The following NCKAP5 variants were observed in gnomAD, a reference collection of about 807,000 sequenced individuals.
NCKAP5 encodes nck-associated protein 5.
NCKAP5 carries 92 observed loss-of-function variants against 167.0 expected under a neutral mutation model. The ratio of observed to expected loss-of-function variants is 0.55; its 90% CI spans 0.47 to 0.66. The LOEUF is 0.66. Ranked by LOEUF, NCKAP5 falls within the 30% of genes least tolerant of loss-of-function variation. NCKAP5 has a pLI of 0.00. For missense variants in NCKAP5, 2,378 were observed against 2,315.0 expected (o/e 1.03, Z -0.56); for synonymous variants, 891 against 877.4 (o/e 1.02, Z -0.27).
chr2:133,193,112 T>C (rs1322087781), intron 5 of NCKAP5, among the ~76,000 whole-genome samples: 1 of 152,104 alleles, frequency 6.6e-6, no homozygotes, highest in African/African-American at 2.4e-5. Context: ...TGAATGATTC[T>C]CCAAAGAATT....
intron 3 of NCKAP5, among the ~76,000 whole-genome samples, chr2:133,453,784 C>A (rs926916208): frequency 2.0e-5 from 3 of 151,988 alleles, no homozygotes; most frequent in Non-Finnish European, 2.9e-5. Flanking sequence ...TTTCTTTCAA[C>A]TTTTCTGGAT....
intron 19 of NCKAP5, among the ~76,000 whole-genome samples, chr2:132,700,922 C>T (rs1337235759): frequency 2.8e-5 from 2 of 72,048 alleles, no homozygotes; most frequent in African/African-American, 9.3e-5. Flanking sequence ...TGGTTACAAT[C>T]CCCTGGGCGG....
intron 11 of NCKAP5, among the ~76,000 whole-genome samples, chr2:132,820,772 G>A (rs1247039848): frequency 6.6e-6 from 1 of 152,070 alleles, no homozygotes; most frequent in Non-Finnish European, 1.5e-5. Context: ...TAGCTTTCAG[G>A]GACAGAAGAA....
chr2:133,632,263 T>C, the NCKAP5 span, among the ~76,000 whole-genome samples: 4,528 of 152,342 alleles, frequency 0.03, 243 homozygotes, highest in African/African-American at 0.1. Context: ...AACTACATTT[T>C]TGGGGACTCA....
Position 133,450,812 on chromosome 2 carries a change from C to T in NCKAP5, c.69+66646G>A, listed in dbSNP as rs190315813. Among the ~76,000 whole-genome samples the T allele has an allele frequency of 2.9e-3, 446 of 152,296 alleles. 2 individuals are homozygous for T. Among genetic ancestry groups the T allele is most frequent in the African/African-American group, 0.01 (433 of 41,566 alleles). On this transcript the variant is annotated intron_variant, in intron 3 of 19. Transcript: ENST00000409261. Reference sequence around the variant, plus strand: ...ACAATAATTCAACCAAGATCTAATTCACCACATGGTATTAGTATCCAGACT... The same window carrying T: ...ACAATAATTCAACCAAGATCTAATTTACCACATGGTATTAGTATCCAGACT...
chr2:133,600,153 G>T, the NCKAP5 span, among the ~76,000 whole-genome samples: 2 of 152,220 alleles, frequency 1.3e-5, no homozygotes, highest in African/African-American at 4.8e-5. Flanking sequence ...AAAAGCTGAA[G>T]CATGGTGTTT....
chr2:132,788,495 G>A (rs1683780641), intron 13 of NCKAP5, among the ~76,000 whole-genome samples: 1 of 152,140 alleles, frequency 6.6e-6, no homozygotes, highest in Non-Finnish European at 1.5e-5. Context: ...TACTGCCTGT[G>A]GCATCTTGGT....
In NCKAP5 at chr2:132,768,608, C is replaced by T. The variant is rs141318566; in HGVS notation, c.5128+5208G>A. Reference sequence around the variant, plus strand: ...TTACTTAAGCATGAATCTTCAATTTCAATATAGAGCAGGTTTAGTTAATAA... The same window carrying T: ...TTACTTAAGCATGAATCTTCAATTTTAATATAGAGCAGGTTTAGTTAATAA... On this transcript the variant is annotated intron_variant, in intron 16 of 19. Transcript: ENST00000409261. 1.3e-3 allele frequency among the ~76,000 whole-genome samples: 198 copies of T among 148,420 alleles called. 1 individual carries two copies. The highest frequency in any genetic ancestry group is 1.9e-3 in the Non-Finnish European group (126 of 67,032).
intron 3 of NCKAP5, among the ~76,000 whole-genome samples, chr2:133,382,423 C>T (rs943735007): frequency 6.6e-6 from 1 of 152,140 alleles, no homozygotes; most frequent in Non-Finnish European, 1.5e-5. Context: ...TTAAACCATT[C>T]AATACCTTCT....
At chr2:133,546,571 G>T (rs891828671) in intron 2 of NCKAP5, among the ~76,000 whole-genome samples, 2 of 152,136 alleles carry the variant, frequency 1.3e-5, no homozygotes, top group African/African-American at 4.8e-5. Flanking sequence ...ATTCAGTGGG[G>T]CTTTGGAAGA....
At chr2:132,813,251 G>A (rs1686020748) in intron 11 of NCKAP5, among the ~76,000 whole-genome samples, 1 of 152,220 alleles carries the variant, frequency 6.6e-6, no homozygotes, top group South Asian at 2.1e-4. Flanking sequence ...GAGCAAGTAA[G>A]TAGCTGAGTT....
chr2:132,696,255 T>G (rs1573905437), intron 19 of NCKAP5, among the ~76,000 whole-genome samples: 2 of 152,336 alleles, frequency 1.3e-5, no homozygotes, highest in East Asian at 3.9e-4. Context: ...GGTTGATCCA[T>G]TCTACAGAAA....
At chr2:133,587,331 C>T in the NCKAP5 span, among the ~76,000 whole-genome samples, 2 of 152,082 alleles carry the variant, frequency 1.3e-5, no homozygotes, top group Non-Finnish European at 2.9e-5. Context: ...CAGAACAATG[C>T]CTGGCACTTA....
At chr2:133,639,854 T>C in the NCKAP5 span, among the ~76,000 whole-genome samples, 1 of 152,154 alleles carries the variant, frequency 6.6e-6, no homozygotes, top group South Asian at 2.1e-4. Flanking sequence ...ACAAACTAAA[T>C]GACCATCAAT....
chr2:133,583,128 T>A, the NCKAP5 span, among the ~76,000 whole-genome samples: 50,190 of 117,280 alleles, frequency 0.43, 10,412 homozygotes, highest in African/African-American at 0.64. Context: ...GATAAAAAAA[T>A]ATATATATGA....
intron 19 of NCKAP5, among the ~76,000 whole-genome samples, chr2:132,685,292 A>G (rs1352863599): frequency 6.6e-6 from 1 of 152,198 alleles, no homozygotes; most frequent in Non-Finnish European, 1.5e-5. Context: ...AAAACTGCAC[A>G]GAGGAAAAAT....
intron 3 of NCKAP5, among the ~76,000 whole-genome samples, chr2:133,385,488 G>C (rs1205421917): frequency 6.6e-6 from 1 of 152,138 alleles, no homozygotes; most frequent in Non-Finnish European, 1.5e-5. Flanking sequence ...TGTTCATCAG[G>C]GATATTGGTC....
intron 6 of NCKAP5, among the ~76,000 whole-genome samples, chr2:133,009,362 C>T (rs2078074716): frequency 6.6e-6 from 1 of 152,146 alleles, no homozygotes; most frequent in African/African-American, 2.4e-5. Flanking sequence ...CTACTACCCA[C>T]ATCGCACAGT....
chr2:133,557,241 G>A (rs189038672), intron 2 of NCKAP5, among the ~76,000 whole-genome samples: 262 of 152,192 alleles, frequency 1.7e-3, no homozygotes, highest in African/African-American at 6.0e-3. Context: ...ACACTCATTT[G>A]CACGCTTGGC....
Sources: allele counts gnomAD v4.1 joint callset (sites outside exome capture counted in the v4.1 genomes callset), GRCh38; gene constraint gnomAD v4.1.1; transcripts MANE v1.5; gene names NCBI Gene and HGNC (gene_info 2026-07-23, HGNC 2026-07-21).